The following ASIC4 variants were observed in gnomAD, a reference collection of about 807,000 sequenced individuals.
The protein encoded by ASIC4 is acid sensing ion channel subunit family member 4.
A neutral mutation model predicts 53.4 loss-of-function variants in ASIC4; 28 were observed. The observed-to-expected ratio is 0.52, with a 90% CI of 0.39 to 0.72. The LOEUF (loss-of-function observed/expected upper bound fraction) is 0.72, where lower values mean the gene tolerates loss of function less well. ASIC4 is among the 30% of genes least tolerant of loss of function. ASIC4 has a pLI of 0.00. For synonymous variants in ASIC4, 289 were observed against 301.4 expected, an observed-to-expected ratio of 0.96 and a Z score of 0.43; for missense variants, 649 against 729.7, an observed-to-expected ratio of 0.89 and a Z score of 1.27.
rs374721943 is a variant in ASIC4 at position 219,524,019 on chromosome 2, C to T, written c.583-7739C>T. 2.1e-4 allele frequency among the ~76,000 whole-genome samples: 32 copies of T among 152,168 alleles called. No homozygotes were observed. The East Asian group carries it at 2.5e-3, about 12-fold the overall frequency. ...ATTATTATTTGTAGAGACGAGGTCT[C>T]GCTATGTTGCCTAGATTGGTCTCAA... On this transcript the variant is annotated intron_variant, in intron 1 of 9. Transcript: ENST00000358078.
chr2:219,509,947 C>G (rs574202251), upstream of ASIC4, among the ~76,000 whole-genome samples: 1 of 151,990 alleles, frequency 6.6e-6, no homozygotes, highest in African/African-American at 2.4e-5. This position sits in a 1 kb window ranked among gnomAD's most constrained non-coding sequence, Gnocchi z 5.2. Context: ...CGCCCGTTCT[C>G]GATCCTCGGT....
intron 1 of ASIC4, among the ~76,000 whole-genome samples, chr2:219,523,579 C>T (rs1694921838): frequency 6.6e-6 from 1 of 152,208 alleles, no homozygotes; most frequent in African/African-American, 2.4e-5. Context: ...GCTGTGTCTT[C>T]CTCTTTCTTG....
chr2:219,520,072 AAGGGTCCAGGCAGCCCCGGGGGGCC>A (rs1176172698), intron 1 of ASIC4, among the ~76,000 whole-genome samples: 2 of 151,960 alleles, frequency 1.3e-5, no homozygotes, highest in Non-Finnish European at 2.9e-5. Flanking sequence ...CAGGGTCCTC[AAGGGTCCAGGCAGCCCCGGGGGGCC>A]AGGAGCCTGG....
upstream of ASIC4, among the ~76,000 whole-genome samples, chr2:219,511,599 C>T (rs1365584555): frequency 1.3e-5 from 2 of 152,212 alleles, no homozygotes; most frequent in African/African-American, 2.4e-5. The surrounding 1 kb of genome is among the most constrained non-coding windows in gnomAD (Gnocchi z 5.3). Flanking sequence ...CCCCGGCACT[C>T]CCAGTCCAGG....
chr2:219,534,058 A>AC (rs1559119886), intron 5 of ASIC4: 1 of 149,260 alleles, frequency 6.7e-6, no homozygotes. Context: ...AAAAAAAAAA[A>AC]GAGGAGGGAG....
chr2:219,528,303 A>C (rs1219577926), intron 1 of ASIC4, among the ~76,000 whole-genome samples: 1 of 152,048 alleles, frequency 6.6e-6, no homozygotes, highest in Non-Finnish European at 1.5e-5. Flanking sequence ...AGCTCACTGC[A>C]ACCTCTGCCT....
At chr2:219,530,222 C>G (rs1469022727) in intron 1 of ASIC4, among the ~76,000 whole-genome samples, 2 of 152,190 alleles carry the variant, frequency 1.3e-5, no homozygotes, top group African/African-American at 2.4e-5. Flanking sequence ...GTTAGGGAAG[C>G]CTGGCAGGGG....
chr2:219,512,179 C>T (rs890995285), upstream of ASIC4, among the ~76,000 whole-genome samples: 5 of 152,178 alleles, frequency 3.3e-5, no homozygotes, highest in East Asian at 9.7e-4. Context: ...CCTCACAGCA[C>T]CCCCCGCATG....
At chr2:219,509,320 AAC>A (rs1204332761), upstream of ASIC4, among the ~76,000 whole-genome samples, 1 of 151,876 alleles carries the variant, frequency 6.6e-6, no homozygotes, top group Non-Finnish European at 1.5e-5. This position sits in a 1 kb window ranked among gnomAD's most constrained non-coding sequence, Gnocchi z 5.2. Flanking sequence ...CACTCCCCAA[AAC>A]ACAAAGGGGG....
chr2:219,532,798 G>T (rs563381042), intron 4 of ASIC4, 85 bp from the exon 5 acceptor site: 1 of 1,249,172 alleles, frequency 8.0e-7, no homozygotes, highest in Non-Finnish European at 1.2e-6. Context: ...ATATGTGTGT[G>T]CATGCATGTA....
rs1695179292 is a variant in ASIC4, at chr2:219,538,137, G to A, written c.*91G>A. 9 of 1,099,380 alleles carry A rather than the reference G, an allele frequency of 8.2e-6. No individual in the cohort carries two copies. The highest frequency in any genetic ancestry group is 4.0e-5 in the Admixed American group (2 of 49,670). 68.1% of individuals were successfully genotyped at this position (1,099,380 alleles called of 1,614,324 possible). On this transcript the variant is annotated 3_prime_UTR_variant, in exon 10 of 10. Coordinates refer to ENST00000358078, the MANE Select transcript of ASIC4 (RefSeq NM_018674.6). ...CTGCTCCTGGGAGAGGCCTGGGGGC[G>A]GTGCTCACTGGGAGGGCCAGGACTC...
intron 6 of ASIC4, among the ~76,000 whole-genome samples, chr2:219,535,576 CTTA>C (rs1386631904): frequency 6.6e-6 from 1 of 151,074 alleles, no homozygotes; most frequent in East Asian, 1.9e-4. Flanking sequence ...TGCATGCACA[CTTA>C]TGAGTGTATG....
Position 219,535,152 on chromosome 2 carries a change from T to C in ASIC4, c.1076-19T>C. ...ACCCTTCTCCAACTCCCACTGTAGC[T>C]GCTACCTCTGTGTTGCAGACTCCCT... On this transcript the variant is annotated intron_variant, in intron 5 of 9. Transcript: ENST00000358078. The C allele has an allele frequency of 6.2e-7, 1 of 1,605,556 alleles. No individual in the cohort carries two copies. Among genetic ancestry groups the C allele is most frequent in the Non-Finnish European group, 8.5e-7 (1 of 1,175,224 alleles).
Position 219,537,370 on chromosome 2 carries a change from C to G in ASIC4, c.1401+49C>G, listed in dbSNP as rs750163813. Reference sequence around the variant, plus strand: ...GTGGGAGTGGGGGCCGTGGGCAAAGCAGAAGGGGGCAGTGCGGGGTGCCTG... The same window carrying G: ...GTGGGAGTGGGGGCCGTGGGCAAAGGAGAAGGGGGCAGTGCGGGGTGCCTG... On this transcript the variant is annotated intron_variant, in intron 8 of 9. Coordinates refer to ENST00000358078, the MANE Select transcript of ASIC4 (RefSeq NM_018674.6). This position sits in a 1 kb window ranked among gnomAD's most constrained non-coding sequence, Gnocchi z 4.9. 6.4e-7 allele frequency: 1 copy of G among 1,562,088 alleles called. No homozygotes were observed. The highest frequency in any genetic ancestry group is 2.3e-5 in the East Asian group (1 of 43,530).
chr2:219,524,803 C>A (rs1234443127), intron 1 of ASIC4, among the ~76,000 whole-genome samples: 2 of 152,230 alleles, frequency 1.3e-5, no homozygotes, highest in African/African-American at 4.8e-5. Context: ...CTAAGCCGCT[C>A]CCAAATTGCA....
rs1327147817 is a variant in ASIC4 at position 219,514,494 on chromosome 2, A to T, written c.-231A>T. The stretch of plus-strand genomic sequence containing the variant: ...CAAGGAGACGATCGAGGAGAGAGAC[A>T]AGCGGCAGCAGAGGCAGCAGCGGCA... On this transcript the variant is annotated 5_prime_UTR_variant, in exon 1 of 10. Transcript: ENST00000358078. 5.8e-6 allele frequency: 9 copies of T among 1,550,646 alleles called. No homozygotes were observed.
Position 219,527,035 on chromosome 2 carries a change from A to G in ASIC4, c.583-4723A>G, listed in dbSNP as rs141439061. 1.7e-3 allele frequency among the ~76,000 whole-genome samples: 252 copies of G among 152,074 alleles called. 2 individuals carry two copies. Among genetic ancestry groups the G allele is most frequent in the African/African-American group, 5.8e-3 (242 of 41,462 alleles). On this transcript the variant is annotated intron_variant, in intron 1 of 9. Transcript: ENST00000358078. ...TCCGTGACCGGACCCTGGACTCTCA[A>G]CTCCTTTGCATACTGCCCCCTCTTC...
In ASIC4 at chr2:219,518,734, C is replaced by G. The variant is rs150365786; in HGVS notation, c.582+3428C>G. 7.2e-3 allele frequency among the ~76,000 whole-genome samples: 1,098 copies of G among 152,276 alleles called. 18 individuals carry two copies. Among genetic ancestry groups the G allele is most frequent in the African/African-American group, 0.025 (1,020 of 41,544 alleles). On this transcript the variant is annotated intron_variant, in intron 1 of 9. Coordinates refer to ENST00000358078, the MANE Select transcript of ASIC4 (RefSeq NM_018674.6). The surrounding 1 kb of genome is among the most constrained non-coding windows in gnomAD (Gnocchi z 4.8). ...CCCTCTTACTAAAAGGCAGAAATCA[C>G]TCTTTCTCCCTAGGCTTCATTTCTT...
At chr2:219,521,621 G>T (rs910185267) in intron 1 of ASIC4, among the ~76,000 whole-genome samples, 1 of 152,204 alleles carries the variant, frequency 6.6e-6, no homozygotes, top group East Asian at 1.9e-4. Context: ...TGGGTCCCAT[G>T]GGCAGGCAGG....
Sources: allele counts gnomAD v4.1 joint callset (sites outside exome capture counted in the v4.1 genomes callset), GRCh38; gene constraint gnomAD v4.1.1; non-coding constraint Gnocchi (gnomAD v3.1); transcripts MANE v1.5; gene names NCBI Gene and HGNC (gene_info 2026-07-23, HGNC 2026-07-21).